The following SLC66A2 variants were observed in gnomAD, a reference collection of about 807,000 sequenced individuals.
SLC66A2 encodes the protein solute carrier family 66 member 2.
In SLC66A2, 23 loss-of-function variants were observed where a neutral mutation model predicts 25.5. That is an observed-to-expected ratio of 0.90 (90% CI 0.65 to 1.28). SLC66A2 has a LOEUF of 1.28. SLC66A2 is among the 50% of genes most tolerant of loss of function. The pLI, the probability that SLC66A2 is intolerant of heterozygous loss-of-function variation, is 0.00. For synonymous variants in SLC66A2, 193 were observed against 166.5 expected, an observed-to-expected ratio of 1.16 and a Z score of -1.23; for missense variants, 396 against 373.1, an observed-to-expected ratio of 1.06 and a Z score of -0.51.
chr18:79,946,695 C>T (rs924275295), intron 2 of SLC66A2, among the ~76,000 whole-genome samples: 1 of 152,238 alleles, frequency 6.6e-6, no homozygotes, highest in East Asian at 1.9e-4. Context: ...GGGCTGGGCA[C>T]AGTGGCTCAC....
At chr18:79,949,109 A>G (rs1456015195) in intron 2 of SLC66A2, among the ~76,000 whole-genome samples, 1 of 152,186 alleles carries the variant, frequency 6.6e-6, no homozygotes, top group African/African-American at 2.4e-5. Context: ...TGCAGGGGAC[A>G]AACCTCCCTG....
intron 5 of SLC66A2, among the ~76,000 whole-genome samples, chr18:79,912,974 G>A (rs1472687893): frequency 6.6e-6 from 1 of 152,168 alleles, no homozygotes; most frequent in Non-Finnish European, 1.5e-5. Context: ...CCCCAGGGGA[G>A]ACATGCCACA....
At chr18:79,919,999 GA>G (rs68135289) in intron 4 of SLC66A2, among the ~76,000 whole-genome samples, 13 of 250 alleles carry the variant, frequency 0.052, 5 homozygotes, top group Non-Finnish European at 0.075. Flanking sequence ...AGGGTCAGTG[GA>G]GGAGAGACAG....
intron 5 of SLC66A2, among the ~76,000 whole-genome samples, chr18:79,905,234 T>G (rs1225432163): frequency 6.6e-6 from 1 of 152,258 alleles, no homozygotes; most frequent in Non-Finnish European, 1.5e-5. Flanking sequence ...CTGTTTCCAC[T>G]TGGGTCGGTT....
chr18:79,924,031 G>A (rs1985611529), intron 4 of SLC66A2, among the ~76,000 whole-genome samples: 2 of 148,138 alleles, frequency 1.4e-5, no homozygotes, highest in African/African-American at 4.9e-5. Flanking sequence ...AGTGGGACCT[G>A]GTCTCAAAAA....
In SLC66A2 at chr18:79,916,527, C is replaced by T. The variant is rs149915930; in HGVS notation, c.608+2657G>A. Among the ~76,000 whole-genome samples, 115 of 152,364 alleles carry T rather than the reference C, an allele frequency of 7.5e-4. 1 individual carries two copies. The South Asian group carries it at 0.011, about 15-fold the overall frequency. ...TCAACAGACCCTGCTGGGTTCACGT[C>T]GCACCCTTAGGTCCAATCACATTTC... is the stretch of plus-strand genomic sequence containing the variant. On this transcript the variant is annotated intron_variant, in intron 5 of 5. Coordinates refer to ENST00000397778, the MANE Select transcript of SLC66A2 (RefSeq NM_025078.5).
intron 2 of SLC66A2, among the ~76,000 whole-genome samples, chr18:79,945,862 C>T (rs547819220): frequency 9.6e-4 from 146 of 152,362 alleles, no homozygotes; most frequent in African/African-American, 3.3e-3. Flanking sequence ...GGCTACCAAG[C>T]GGCCTGGGTG....
At chr18:79,922,154 G>C (rs192826531) in intron 4 of SLC66A2, among the ~76,000 whole-genome samples, 1 of 151,958 alleles carries the variant, frequency 6.6e-6, no homozygotes, top group Non-Finnish European at 1.5e-5. Context: ...CATAAAAGAC[G>C]CTGACATCAG....
chr18:79,927,571 C>T lies in SLC66A2; in HGVS notation c.391+6398G>A, dbSNP rs1053484357. 4.6e-5 allele frequency among the ~76,000 whole-genome samples: 7 copies of T among 152,174 alleles called. No individual in the cohort carries two copies. Among genetic ancestry groups the T allele is most frequent in the South Asian group, 2.1e-4 (1 of 4,832 alleles). On this transcript the variant is annotated intron_variant, in intron 4 of 5. Transcript: ENST00000397778. This position sits in a 1 kb window ranked among gnomAD's most constrained non-coding sequence, Gnocchi z 6.2. ...CTAATCCTGCCACCTGTGCAGCAGG[C>T]GGCAACAGGGACAGGCAGACGACAC...
In SLC66A2 at chr18:79,902,799, G is replaced by A. The variant is rs1981407641; in HGVS notation, c.*1177C>T. On this transcript the variant is annotated 3_prime_UTR_variant, in exon 6 of 6. Transcript: ENST00000397778. ...GAGGCCTGGGGGCCGGCTGCGGTCAGTGCAAGGCTGCTGACATGGTGTGAC... is the reference window on the plus strand; with the variant it reads ...GAGGCCTGGGGGCCGGCTGCGGTCAATGCAAGGCTGCTGACATGGTGTGAC... 1 of 152,572 alleles carries A rather than the reference G, an allele frequency of 6.6e-6. No homozygotes were observed. Among genetic ancestry groups the A allele is most frequent in the Admixed American group, 6.5e-5 (1 of 15,300 alleles). 9.5% of individuals were successfully genotyped at this position (152,572 alleles called of 1,614,324 possible).
Position 79,921,872 on chromosome 18 carries a change from A to G in SLC66A2, c.392-2472T>C, listed in dbSNP as rs374297561. 7.9e-4 allele frequency among the ~76,000 whole-genome samples: 69 copies of G among 87,668 alleles called. 19 individuals are homozygous for G. The highest frequency in any genetic ancestry group is 1.0e-3 in the Admixed American group (7 of 6,784). The allele number at this position is 87,668 out of a possible 152,430, so 57.5% of individuals were successfully genotyped here. On this transcript the variant is annotated intron_variant, in intron 4 of 5. Coordinates refer to ENST00000397778, the MANE Select transcript of SLC66A2 (RefSeq NM_025078.5). ...ACCGAGGGAGAGGTCAAGGTCAGTGAGGAGAGACGGGAACCGAGGGAGAGG... is the reference window on the plus strand; with the variant it reads ...ACCGAGGGAGAGGTCAAGGTCAGTGGGGAGAGACGGGAACCGAGGGAGAGG...
At chr18:79,905,601 G>A (rs1022408611) in intron 5 of SLC66A2, among the ~76,000 whole-genome samples, 3 of 152,262 alleles carry the variant, frequency 2.0e-5, no homozygotes, top group Admixed American at 6.5e-5. Flanking sequence ...AGCATTGCGC[G>A]GTGACCCCGC....
intron 5 of SLC66A2, among the ~76,000 whole-genome samples, chr18:79,913,006 C>T (rs752404098): frequency 4.6e-5 from 7 of 152,206 alleles, no homozygotes; most frequent in African/African-American, 7.2e-5. Flanking sequence ...TGAGGACCCA[C>T]ACAGCCTGCT....
chr18:79,942,309 T>C (rs889736363), intron 3 of SLC66A2, among the ~76,000 whole-genome samples: 1 of 152,178 alleles, frequency 6.6e-6, no homozygotes, highest in Non-Finnish European at 1.5e-5. Context: ...GGAGCTCATC[T>C]CTGTGGCCCC....
chr18:79,913,423 C>G (rs539742979), intron 5 of SLC66A2, among the ~76,000 whole-genome samples: 1 of 152,234 alleles, frequency 6.6e-6, no homozygotes, highest in African/African-American at 2.4e-5. Context: ...TCAGAAAATC[C>G]GCCCTTCGGA....
chr18:79,939,254 C>T (rs904977016), intron 3 of SLC66A2, among the ~76,000 whole-genome samples: 5 of 152,140 alleles, frequency 3.3e-5, no homozygotes, highest in Non-Finnish European at 5.9e-5. Context: ...CAAACGTTTC[C>T]TCATAAGTTA....
chr18:79,925,197 G>C (rs1330391821), intron 4 of SLC66A2: 1 of 152,244 alleles, frequency 6.6e-6, no homozygotes, highest in African/African-American at 2.4e-5. Context: ...CGAGGGACCT[G>C]GGAGGGGAGG....
chr18:79,931,074 A>G (rs1040583822), intron 4 of SLC66A2, among the ~76,000 whole-genome samples: 1 of 152,256 alleles, frequency 6.6e-6, no homozygotes, highest in Admixed American at 6.5e-5. Flanking sequence ...AATAATTCAG[A>G]AAACATTATT....
rs35875409 is a variant in SLC66A2 at position 79,912,933 on chromosome 18, A to AG, written c.608+6250dup. 4.9e-4 allele frequency among the ~76,000 whole-genome samples: 74 copies of AG among 152,240 alleles called. 1 individual carries two copies. In the South Asian group the frequency reaches 6.4e-3, roughly 13 times the overall value. On this transcript the variant is annotated intron_variant, in intron 5 of 5. Coordinates refer to ENST00000397778, the MANE Select transcript of SLC66A2 (RefSeq NM_025078.5). ...GGCATAAGGAAAGGCACAGTGGGTG[A>AG]GGGGGGGTTCTGAGTGTCATGAAGA...
Sources: gnomAD v4.1 joint callset for allele counts (sites outside exome capture counted in the v4.1 genomes callset) on GRCh38, gnomAD v4.1.1 for gene constraint, Gnocchi (gnomAD v3.1) non-coding constraint, MANE v1.5 for transcripts, NCBI Gene and HGNC (gene_info 2026-07-23, HGNC 2026-07-21) for gene names.